Variants in PPM1A observed in about 807,000 individuals in gnomAD.
The protein encoded by PPM1A is protein phosphatase 1A.
In PPM1A, 7 loss-of-function variants were observed where a neutral mutation model predicts 35.0. That is an observed-to-expected ratio of 0.20 (90% CI 0.11 to 0.38). PPM1A has a LOEUF of 0.38. PPM1A is among the 10% of genes least tolerant of loss of function. The probability of loss-of-function intolerance (pLI) is 1.00; values close to 1 mark genes in which losing one functional copy is unlikely to be tolerated. For synonymous variants in PPM1A, 153 were observed against 167.3 expected (o/e 0.91, Z 0.66); for missense variants, 239 against 467.8 (o/e 0.51, Z 4.51).
rs1235012566 is a variant in PPM1A, at chr14:60,297,839, T to C, written c.*5357T>C. 6.6e-6 allele frequency: 1 copy of C among 151,630 alleles called. No individual in the cohort carries two copies. The highest frequency in any genetic ancestry group is 1.5e-5 in the Non-Finnish European group (1 of 67,662). The allele number at this position is 151,630 out of a possible 1,614,324, so 9.4% of individuals were successfully genotyped here. ...GGACTTATTTACCCAGGAAAATGCGTATATAACATACATATCTCCCTAAAG... is the reference window on the plus strand; with the variant it reads ...GGACTTATTTACCCAGGAAAATGCGCATATAACATACATATCTCCCTAAAG... On this transcript the variant is annotated 3_prime_UTR_variant, in exon 6 of 6. Transcript: ENST00000395076.
At chr14:60,246,089 GCTTT>G, upstream of PPM1A, 1 of 1,509,982 alleles carries the variant, frequency 6.6e-7, no homozygotes, top group East Asian at 2.4e-5. Flanking sequence ...GTTCTGGTTG[GCTTT>G]CTAACTCTTG....
At chr14:60,280,643 AGT>A (rs1886303412) in intron 1 of PPM1A, among the ~76,000 whole-genome samples, 1 of 152,126 alleles carries the variant, frequency 6.6e-6, no homozygotes, top group African/African-American at 2.4e-5. Context: ...AACCTAGGAT[AGT>A]GGTCTTGGTT....
chr14:60,286,774 C>T, intron 3 of PPM1A: 1 of 980,604 alleles, frequency 1.0e-6, no homozygotes, highest in African/African-American at 1.8e-5. Context: ...TCTAGAGCTA[C>T]TATTTTGTTT....
At chr14:60,249,139 C>T (rs1882001391), upstream of PPM1A, 4 of 784,096 alleles carry the variant, frequency 5.1e-6, no homozygotes, top group South Asian at 5.6e-5. This position sits in a 1 kb window ranked among gnomAD's most constrained non-coding sequence, Gnocchi z 4.5. Flanking sequence ...GCTGTAGCGG[C>T]GGCGGAGCCA....
At chr14:60,287,991 C>A (rs564258117) in intron 3 of PPM1A, 1 of 980,152 alleles carries the variant, frequency 1.0e-6, no homozygotes, top group African/African-American at 1.8e-5. Context: ...TTAGAAAAAG[C>A]GTTCAGTCTT....
upstream of PPM1A, chr14:60,249,207 C>T: frequency 1.0e-6 from 1 of 986,782 alleles, no homozygotes. The surrounding 1 kb of genome is among the most constrained non-coding windows in gnomAD (Gnocchi z 4.5). Flanking sequence ...AGCGCGCCTG[C>T]GCGGGGCCGC....
At chr14:60,267,464 T>C (rs1045278129) in intron 1 of PPM1A, among the ~76,000 whole-genome samples, 2 of 152,102 alleles carry the variant, frequency 1.3e-5, no homozygotes, top group African/African-American at 4.8e-5. Context: ...GTAATATATA[T>C]TTTACTGACT....
intron 4 of PPM1A, among the ~76,000 whole-genome samples, chr14:60,290,736 T>C (rs1348386825): frequency 6.6e-6 from 1 of 152,144 alleles, no homozygotes; most frequent in Non-Finnish European, 1.5e-5. Flanking sequence ...AATCACTAAA[T>C]AGTGATTGTA....
At chr14:60,288,768 G>C (rs1449352717) in intron 3 of PPM1A, among the ~76,000 whole-genome samples, 1 of 152,010 alleles carries the variant, frequency 6.6e-6, no homozygotes, top group Non-Finnish European at 1.5e-5. Flanking sequence ...TACAAATTGA[G>C]AAGCAGAATG....
At chr14:60,285,486 A>C in intron 2 of PPM1A, 138 bp from the exon 3 acceptor site, 3 of 755,072 alleles carry the variant, frequency 4.0e-6, no homozygotes, top group Non-Finnish European at 4.1e-6. Context: ...GCATGCGTGC[A>C]CATATGTATT....
At chr14:60,250,498 C>T in intron 1 of PPM1A, 1 of 854,994 alleles carries the variant, frequency 1.2e-6, no homozygotes, top group African/African-American at 1.8e-5. Flanking sequence ...TTCTTCTCTC[C>T]TGAAACACCA....
chr14:60,271,970 G>C (rs367901478), intron 1 of PPM1A, among the ~76,000 whole-genome samples: 1 of 151,840 alleles, frequency 6.6e-6, no homozygotes, highest in Non-Finnish European at 1.5e-5. Context: ...TTAAGCCAAA[G>C]GACTTGTCCA....
chr14:60,289,849 T>C lies in PPM1A; in HGVS notation c.996T>C (p.His332=). The change falls in exon 4 of 6, where the codon CAT becomes CAC. Residue 332 remains histidine (H), a synonymous_variant. Transcript: ENST00000395076. This position sits in a 1 kb window ranked among gnomAD's most constrained non-coding sequence, Gnocchi z 4.1. The part of the protein sequence containing the change: ...KQGEGVPDLV[H]VMRTLASENI... ...GGGAAGGCGTCCCCGACTTAGTCCA[T>C]GTGATGCGCACATTAGCGAGTGAGA... is the stretch of plus-strand genomic sequence containing the variant. 2 of 1,602,242 alleles carry C rather than the reference T, an allele frequency of 1.2e-6. No homozygotes were observed. The highest frequency in any genetic ancestry group is 1.7e-4 in the Middle Eastern group (1 of 6,036).
chr14:60,277,775 G>C (rs1436159352), intron 1 of PPM1A, among the ~76,000 whole-genome samples: 1 of 152,186 alleles, frequency 6.6e-6, no homozygotes, highest in Non-Finnish European at 1.5e-5. Flanking sequence ...CTGTATGGGT[G>C]CCTTGCAAGG....
chr14:60,260,890 A>C (rs1883674788), intron 1 of PPM1A, among the ~76,000 whole-genome samples: 1 of 152,132 alleles, frequency 6.6e-6, no homozygotes, highest in African/African-American at 2.4e-5. Flanking sequence ...TCTGACCGGG[A>C]AAAAGTATTA....
At chr14:60,288,938 A>G (rs1252825736) in intron 3 of PPM1A, among the ~76,000 whole-genome samples, 2 of 152,092 alleles carry the variant, frequency 1.3e-5, no homozygotes, top group Admixed American at 6.6e-5. Context: ...GACTTTTTAT[A>G]CTTAGAGGAA....
upstream of PPM1A, chr14:60,246,045 A>G: frequency 6.4e-7 from 1 of 1,572,902 alleles, no homozygotes; most frequent in Non-Finnish European, 8.6e-7. Context: ...AATATGAAAC[A>G]GGTAGTGAGG....
intron 2 of PPM1A, among the ~76,000 whole-genome samples, chr14:60,284,256 G>A (rs1453274389): frequency 6.6e-6 from 1 of 152,210 alleles, no homozygotes; most frequent in Non-Finnish European, 1.5e-5. Context: ...AGACAGACCT[G>A]AGACCAAGGC....
intron 3 of PPM1A, chr14:60,288,196 A>G (rs1887240558): frequency 1.0e-6 from 1 of 983,938 alleles, no homozygotes; most frequent in African/African-American, 1.7e-5. Context: ...TTTTTTTACA[A>G]GAATTTGTTT....
Sources: allele counts gnomAD v4.1 joint callset (sites outside exome capture counted in the v4.1 genomes callset), GRCh38; gene constraint gnomAD v4.1.1; non-coding constraint Gnocchi (gnomAD v3.1); transcripts MANE v1.5; gene names NCBI Gene and HGNC (gene_info 2026-07-23, HGNC 2026-07-21).